Variants in ADGB observed in about 807,000 individuals in gnomAD.
The protein encoded by ADGB is androglobin.
In ADGB, 172 loss-of-function variants were observed where a neutral mutation model predicts 210.5. That is an observed-to-expected ratio of 0.82 (90% CI 0.72 to 0.93). ADGB has a LOEUF of 0.93. ADGB is among the 40% of genes least tolerant of loss of function. The pLI, the probability that ADGB is intolerant of heterozygous loss-of-function variation, is 0.00. For synonymous variants in ADGB, 658 were observed against 662.7 expected, an observed-to-expected ratio of 0.99 and a Z score of 0.11; for missense variants, 2,025 against 1,964.8, an observed-to-expected ratio of 1.03 and a Z score of -0.58.
At chr6:146,635,804 A>G (rs1775411110) in intron 2 of ADGB, among the ~76,000 whole-genome samples, 1 of 152,060 alleles carries the variant, frequency 6.6e-6, no homozygotes, top group African/African-American at 2.4e-5. Flanking sequence ...AAATTAAGAG[A>G]TAGGGCAGGT....
At chr6:146,771,554 C>T (rs6908733) in intron 29 of ADGB, among the ~76,000 whole-genome samples, 277 of 152,258 alleles carry the variant, frequency 1.8e-3, no homozygotes, top group African/African-American at 6.3e-3. Flanking sequence ...ACCGTGCCCC[C>T]GCCCCTGGCC....
At chr6:146,721,539 G>C in intron 17 of ADGB, 34 bp downstream of exon 17, 1 of 717,274 alleles carries the variant, frequency 1.4e-6, no homozygotes, top group Non-Finnish European at 2.0e-6. Flanking sequence ...TAGCCTTAAA[G>C]CCTAGATCAT....
chr6:146,718,625 C>A (rs897271504), intron 16 of ADGB, among the ~76,000 whole-genome samples: 2 of 152,210 alleles, frequency 1.3e-5, no homozygotes, highest in Admixed American at 1.3e-4. Context: ...GACACATATT[C>A]CGGGAAACTA....
At chr6:146,732,832 AT>A (rs201867669) in intron 20 of ADGB, among the ~76,000 whole-genome samples, 2,187 of 151,886 alleles carry the variant, frequency 0.014, 23 homozygotes, top group Non-Finnish European at 0.019. Context: ...GGATAATGCT[AT>A]TTTTTTTACC....
chr6:146,793,583 A>C (rs1036027744), intron 33 of ADGB, among the ~76,000 whole-genome samples: 1 of 151,832 alleles, frequency 6.6e-6, no homozygotes, highest in Non-Finnish European at 1.5e-5. Flanking sequence ...GACCATCTGT[A>C]GCTTGATGGC....
intron 14 of ADGB, among the ~76,000 whole-genome samples, chr6:146,715,872 A>G (rs1776725188): frequency 6.6e-6 from 1 of 152,032 alleles, no homozygotes; most frequent in South Asian, 2.1e-4. Flanking sequence ...GATCGAGACC[A>G]TCCTGGCCAA....
chr6:146,707,073 T>G (rs1776584607), intron 13 of ADGB, among the ~76,000 whole-genome samples: 1 of 152,144 alleles, frequency 6.6e-6, no homozygotes, highest in Non-Finnish European at 1.5e-5. Context: ...TGTCTCAAGA[T>G]ATTCTAAAAA....
chr6:146,718,346 CAAAAA>C (rs34547633), intron 16 of ADGB, among the ~76,000 whole-genome samples: 18 of 80,154 alleles, frequency 2.2e-4, no homozygotes, highest in Admixed American at 2.9e-4. Flanking sequence ...GATTCCATCT[CAAAAA>C]AAAAAAAAAA....
At chr6:146,789,036 C>CAA (rs1168672381) in intron 33 of ADGB, among the ~76,000 whole-genome samples, 1 of 152,160 alleles carries the variant, frequency 6.6e-6, no homozygotes, top group African/African-American at 2.4e-5. Context: ...GAGCAATTTT[C>CAA]AGTGGTGCAC....
chr6:146,809,827 A>G (rs1778277815), intron 35 of ADGB, among the ~76,000 whole-genome samples: 2 of 152,226 alleles, frequency 1.3e-5, no homozygotes, highest in Admixed American at 6.5e-5. Context: ...TTAAAGATTT[A>G]AATGTAACAT....
At chr6:146,644,711 A>T in intron 2 of ADGB, 62 bp from the exon 3 acceptor site, 1 of 1,049,576 alleles carries the variant, frequency 9.5e-7, no homozygotes, top group Non-Finnish European at 1.3e-6. Context: ...CTTTTTTATT[A>T]AAATTGTTTT....
chr6:146,783,264 T>TA (rs1264017331), intron 30 of ADGB, among the ~76,000 whole-genome samples: 1 of 152,078 alleles, frequency 6.6e-6, no homozygotes, highest in East Asian at 1.9e-4. Context: ...AGGATGTCAG[T>TA]ACCATTAAGA....
chr6:146,811,242 G>A (rs935158347), intron 35 of ADGB, among the ~76,000 whole-genome samples: 2 of 151,906 alleles, frequency 1.3e-5, no homozygotes, highest in Non-Finnish European at 2.9e-5. Flanking sequence ...ATACTGGTTT[G>A]TTTTACAAAA....
intron 4 of ADGB, 88 bp downstream of exon 4, chr6:146,654,294 C>G: frequency 1.3e-6 from 1 of 748,244 alleles, no homozygotes; most frequent in Non-Finnish European, 2.2e-6. Context: ...TTTCAACTCT[C>G]CCTTGCTCAC....
chr6:146,605,211 A>G (rs1405585612), intron 1 of ADGB, among the ~76,000 whole-genome samples: 1 of 152,220 alleles, frequency 6.6e-6, no homozygotes, highest in Non-Finnish European at 1.5e-5. Context: ...TCAAGGTAGC[A>G]AGAAATAGTG....
At chr6:146,683,144 C>A (rs531494985) in intron 9 of ADGB, among the ~76,000 whole-genome samples, 1 of 152,004 alleles carries the variant, frequency 6.6e-6, no homozygotes, top group African/African-American at 2.4e-5. Context: ...CCTCACCAGG[C>A]GCCAGCACCT....
chr6:146,705,452 A>G (rs78271552), intron 13 of ADGB, among the ~76,000 whole-genome samples: 321 of 152,204 alleles, frequency 2.1e-3, no homozygotes, highest in African/African-American at 7.1e-3. Context: ...CATTCTTTAT[A>G]TTAGTTGTAA....
rs772393050 is a variant in ADGB at position 146,784,651 on chromosome 6, A to G, written c.4069A>G (p.Asn1357Asp). ...STVHPQQEDP[N>D]KPYWILRLVT... ...TGTTCACCCTCAACAAGAAGACCCA[A>G]ATAAACCCTACTGGATTTTGAGGTT... The change falls in exon 31 of 36, where the codon AAT (asparagine) becomes GAT (aspartate). Residue 1357 changes from asparagine to aspartate, a missense_variant. Transcript: ENST00000397944. The G allele has an allele frequency of 1.9e-6, 3 of 1,551,060 alleles. No homozygotes were observed.
At chr6:146,671,747 C>T (rs7748556) in intron 7 of ADGB, among the ~76,000 whole-genome samples, 1 of 152,058 alleles carries the variant, frequency 6.6e-6, no homozygotes, top group African/African-American at 2.4e-5. Flanking sequence ...CAAGTAATTT[C>T]TATGACAACA....
Sources: gnomAD v4.1 joint callset for allele counts (sites outside exome capture counted in the v4.1 genomes callset) on GRCh38, gnomAD v4.1.1 for gene constraint, MANE v1.5 for transcripts, NCBI Gene and HGNC (gene_info 2026-07-23, HGNC 2026-07-21) for gene names.